The following LSG1 variants were observed in gnomAD, a reference collection of about 807,000 sequenced individuals.
The protein encoded by LSG1 is large subunit GTPase 1 homolog.
Under a neutral mutation model 82.6 loss-of-function variants are expected in LSG1, and 55 were observed. That is an observed-to-expected ratio of 0.67 (90% CI 0.54 to 0.83). The LOEUF is 0.83. LSG1 is among the 40% of genes least tolerant of loss of function. The probability of loss-of-function intolerance (pLI) is 0.00; values close to 1 mark genes in which losing one functional copy is unlikely to be tolerated. For synonymous variants in LSG1, 272 were observed against 282.5 expected (o/e 0.96, Z 0.37); for missense variants, 809 against 807.9 (o/e 1.00, Z -0.02).
At position 194,642,007 on chromosome 3, in the gene LSG1, A is replaced by G. The variant is rs1718402933; in HGVS notation, c.*61T>C. The G allele has an allele frequency of 6.4e-7, 1 of 1,560,196 alleles. No individual in the cohort carries two copies. Among genetic ancestry groups the G allele is most frequent in the African/African-American group, 1.4e-5 (1 of 73,284 alleles). On this transcript the variant is annotated 3_prime_UTR_variant, in exon 14 of 14. Transcript: ENST00000265245. ...GTCTTGGGACGGTTCCACAGGCAAC[A>G]GGCAGCTTCTGCTCTTTTCCATCTG...
chr3:194,664,780 C>T (rs998715603), intron 5 of LSG1, among the ~76,000 whole-genome samples: 6 of 151,788 alleles, frequency 4.0e-5, no homozygotes, highest in Non-Finnish European at 7.4e-5. Context: ...ATTAGCTGGG[C>T]GTGGTGGTGT....
intron 2 of LSG1, among the ~76,000 whole-genome samples, chr3:194,669,276 T>C (rs1048526468): frequency 1.3e-5 from 2 of 152,202 alleles, no homozygotes; most frequent in African/African-American, 2.4e-5. Context: ...TCACAATATA[T>C]ACATATAACC....
At chr3:194,642,595 T>TAA (rs533820809) in intron 13 of LSG1, among the ~76,000 whole-genome samples, 3,504 of 148,422 alleles carry the variant, frequency 0.024, 133 homozygotes, top group African/African-American at 0.083. Flanking sequence ...GTTTACTTAG[T>TAA]AAAAAAAAAA....
At position 194,668,389 on chromosome 3, in the gene LSG1, C is replaced by A. The variant is rs543564574; in HGVS notation, c.226+1620G>T. 8.5e-5 allele frequency among the ~76,000 whole-genome samples: 13 copies of A among 152,270 alleles called. No homozygotes were observed. In the South Asian group the frequency reaches 2.7e-3, roughly 32 times the overall value. ...TAAAACAGCTACACCATTTTATACT[C>A]CCACAGCGATGTATGGTGTTATAAT... On this transcript the variant is annotated intron_variant, in intron 2 of 13. Transcript: ENST00000265245.
At chr3:194,652,072 A>G (rs967263344) in intron 8 of LSG1, among the ~76,000 whole-genome samples, 2 of 152,224 alleles carry the variant, frequency 1.3e-5, no homozygotes, top group African/African-American at 4.8e-5. Flanking sequence ...TAAACATGCC[A>G]TGACCTCCTT....
Position 194,644,596 on chromosome 3 carries a change from C to T in LSG1, c.1774G>A (p.Val592Ile), listed in dbSNP as rs370609808. The change falls in exon 13 of 14, where the codon GTT becomes ATT. Residue 592 changes from valine to isoleucine, a missense_variant. Transcript: ENST00000265245. ...NKKAKQIENI[V>I]DKTFFHQENV... Reference sequence around the variant, plus strand: ...ACTTGATGGAAAAAAGTTTTGTCAACGATATTTTCAATCTGCTTTGCTTTT... The same window carrying T: ...ACTTGATGGAAAAAAGTTTTGTCAATGATATTTTCAATCTGCTTTGCTTTT... 41 of 1,610,514 alleles carry T rather than the reference C, an allele frequency of 2.5e-5. 1 individual carries two copies. The highest frequency in any genetic ancestry group is 1.2e-4 in the African/African-American group (9 of 74,704).
Position 194,641,862 on chromosome 3 carries a change from G to A in LSG1, c.*206C>T, listed in dbSNP as rs560083649. 3.6e-5 allele frequency: 17 copies of A among 470,794 alleles called. No individual in the cohort carries two copies. Among genetic ancestry groups the A allele is most frequent in the South Asian group, 2.2e-4 (5 of 22,938 alleles). 29.2% of individuals were successfully genotyped at this position (470,794 alleles called of 1,614,324 possible). ...TGCCCGGCCAGGAGTAGGATTCTCGGGCTCCCAGATGACTCCTTTTTGTCA... is the reference window on the plus strand; with the variant it reads ...TGCCCGGCCAGGAGTAGGATTCTCGAGCTCCCAGATGACTCCTTTTTGTCA... On this transcript the variant is annotated 3_prime_UTR_variant, in exon 14 of 14. Coordinates refer to ENST00000265245, the MANE Select transcript of LSG1 (RefSeq NM_018385.3).
intron 13 of LSG1, 40 bp from the exon 14 acceptor site, chr3:194,642,287 G>C: frequency 1.3e-6 from 2 of 1,582,370 alleles, no homozygotes; most frequent in Non-Finnish European, 1.7e-6. Context: ...CTGTCAGCAG[G>C]CTATCCTTTA....
intron 12 of LSG1, among the ~76,000 whole-genome samples, chr3:194,645,577 C>CACACACACACACACACACAG (rs1718527164): frequency 3.0e-5 from 1 of 33,300 alleles, no homozygotes; most frequent in Non-Finnish European, 7.3e-5. Context: ...CACAGACAGA[C>CACACACACACACACACACAG]ACACACACAC....
rs978653809 is a variant in LSG1 at position 194,666,280 on chromosome 3, C to T, written c.357G>A (p.Trp119Ter). Residue 119 changes from tryptophan (W) to a stop codon, truncating the protein, a stop_gained, in exon 4 of 14, where the codon TGG becomes TGA. Transcript: ENST00000265245. LOFTEE classifies it high-confidence loss of function. ...GTTCTTCTGGGGTAGTATTTTGGTT[C>T]CAGTTTGGTCTGAAACAATCATAGA... The part of the protein sequence containing the change: ...QFLCIPRRPN[W>*]NQNTTPEELK... The T allele has an allele frequency of 6.2e-7, 1 of 1,613,894 alleles. No homozygotes were observed. Among genetic ancestry groups the T allele is most frequent in the Non-Finnish European group, 8.5e-7 (1 of 1,179,926 alleles).
rs1224534860 is a variant in LSG1 at position 194,642,001 on chromosome 3, G to A, written c.*67C>T. 9.7e-6 allele frequency: 15 copies of A among 1,545,182 alleles called. No individual in the cohort carries two copies. Among genetic ancestry groups the A allele is most frequent in the Non-Finnish European group, 1.2e-5 (14 of 1,135,712 alleles). ...GCTAGTGTCTTGGGACGGTTCCACA[G>A]GCAACAGGCAGCTTCTGCTCTTTTC... On this transcript the variant is annotated 3_prime_UTR_variant, in exon 14 of 14. Coordinates refer to ENST00000265245, the MANE Select transcript of LSG1 (RefSeq NM_018385.3).
intron 2 of LSG1, among the ~76,000 whole-genome samples, chr3:194,668,544 C>T (rs149329224): frequency 1.4e-3 from 210 of 152,180 alleles, no homozygotes; most frequent in Non-Finnish European, 2.5e-3. Flanking sequence ...CTTACACTAC[C>T]CTCTCCATCA....
Position 194,646,229 on chromosome 3 carries a change from T to C in LSG1, c.1558A>G (p.Met520Val), listed in dbSNP as rs777604752. The C allele has an allele frequency of 6.2e-6, 10 of 1,613,992 alleles. No homozygotes were observed. The East Asian group carries it at 2.0e-4, about 32-fold the overall frequency. ...LTAYGYMRGF[M>V]TAHGQPDQPR... ...TGGTCTGGCTGTCCATGCGCTGTCA[T>C]GAATCCTCGCATGTCTGTGGAGAGA... The change falls in exon 12 of 14, where the codon ATG becomes GTG. Residue 520 changes from methionine (M) to valine (V), a missense_variant. By Grantham distance (21) the Met-to-Val change is conservative. Transcript: ENST00000265245.
At chr3:194,659,469 C>A (rs1302665259) in intron 6 of LSG1, among the ~76,000 whole-genome samples, 2 of 152,012 alleles carry the variant, frequency 1.3e-5, no homozygotes. Context: ...ATGACAAGAT[C>A]CTGTCTCTAC....
At chr3:194,653,335 T>C (rs372388485) in intron 7 of LSG1, among the ~76,000 whole-genome samples, 193 bp from the exon 8 acceptor site, 196 of 151,866 alleles carry the variant, frequency 1.3e-3, no homozygotes, top group African/African-American at 4.6e-3. Flanking sequence ...ACCAACATGG[T>C]GAAACCCCGC....
At chr3:194,646,309 T>C in intron 11 of LSG1, 66 bp from the exon 12 acceptor site, 1 of 1,197,682 alleles carries the variant, frequency 8.3e-7, no homozygotes, top group South Asian at 1.2e-5. Context: ...ACAACTGAGG[T>C]GATGTAGCTT....
At chr3:194,653,570 G>A (rs1476020385) in intron 7 of LSG1, among the ~76,000 whole-genome samples, 1 of 151,926 alleles carries the variant, frequency 6.6e-6, no homozygotes, top group Non-Finnish European at 1.5e-5. Flanking sequence ...AGATGGAAAG[G>A]TGAACACAGG....
intron 1 of LSG1, 129 bp from the exon 2 acceptor site, chr3:194,670,264 CTTATAG>C: frequency 1.3e-6 from 1 of 790,310 alleles, no homozygotes; most frequent in Non-Finnish European, 2.0e-6. Flanking sequence ...ATCAATACTA[CTTATAG>C]TTAATGTTTA....
chr3:194,667,455 C>T (rs1719052645), intron 2 of LSG1, among the ~76,000 whole-genome samples: 1 of 152,142 alleles, frequency 6.6e-6, no homozygotes, highest in Admixed American at 6.5e-5. Context: ...TAACCCTGAT[C>T]CTTCTCATAC....
Sources: allele counts gnomAD v4.1 joint callset (sites outside exome capture counted in the v4.1 genomes callset), GRCh38; gene constraint gnomAD v4.1.1; transcripts MANE v1.5; gene names NCBI Gene and HGNC (gene_info 2026-07-23, HGNC 2026-07-21).